Variants in TGFBR2 observed in about 807,000 individuals in gnomAD.
TGFBR2 encodes the protein TGF-beta receptor type-2.
In TGFBR2, 18 loss-of-function variants were observed where a neutral mutation model predicts 49.0. That is an observed-to-expected ratio of 0.37 (90% confidence interval 0.25 to 0.54). The LOEUF is 0.54. Among genes scored for constraint, TGFBR2 ranks in the 20% least tolerant of loss-of-function variants. The pLI is 0.85. For synonymous variants in TGFBR2, 282 were observed against 275.9 expected, an observed-to-expected ratio of 1.02 and a Z score of -0.22; for missense variants, 525 against 722.6, an observed-to-expected ratio of 0.73 and a Z score of 3.13.
At position 30,690,657 on chromosome 3, in the gene TGFBR2, A is replaced by G. The variant is rs1699694350; in HGVS notation, c.1525-763A>G. ...ATAGAACAGTGTATATGACCCAACTATATGACACTCTGGAAAAGGCAAAAA... is the reference window on the plus strand; with the variant it reads ...ATAGAACAGTGTATATGACCCAACTGTATGACACTCTGGAAAAGGCAAAAA... On this transcript the variant is annotated intron_variant, in intron 6 of 6. Coordinates refer to ENST00000295754, the MANE Select transcript of TGFBR2 (RefSeq NM_003242.6). Among the ~76,000 whole-genome samples, 3 of 152,224 alleles carry G rather than the reference A, an allele frequency of 2.0e-5. No homozygotes were observed. In the South Asian group the frequency reaches 6.2e-4, roughly 32 times the overall value.
At chr3:30,609,481 G>A (rs1355414437) in intron 1 of TGFBR2, among the ~76,000 whole-genome samples, 2 of 152,148 alleles carry the variant, frequency 1.3e-5, no homozygotes, top group Admixed American at 6.5e-5. Flanking sequence ...CTGTTTAGTA[G>A]TATGCAAAGG....
rs1244397406 is a variant in TGFBR2, at chr3:30,664,653, TGTGCGCACACACATGCACACGCGC to T, written c.455-6978_455-6955del. On this transcript the variant is annotated intron_variant, in intron 3 of 6. Transcript: ENST00000295754. Reference sequence around the variant, plus strand: ...ATTTGTCTTATAACTTGAGTATGCATGTGCGCACACACATGCACACGCGCGTGCGCGCACACACACGTTGCTCTC... The same window carrying T: ...ATTTGTCTTATAACTTGAGTATGCATGTGCGCGCACACACACGTTGCTCTC... Among the ~76,000 whole-genome samples, 15 of 152,388 alleles carry T rather than the reference TGTGCGCACACACATGCACACGCGC, an allele frequency of 9.8e-5. No individual in the cohort carries two copies. The East Asian group carries it at 2.5e-3, about 25-fold the overall frequency.
At chr3:30,656,858 T>C (rs2125416943) in intron 3 of TGFBR2, among the ~76,000 whole-genome samples, 1 of 152,320 alleles carries the variant, frequency 6.6e-6, no homozygotes, top group South Asian at 2.1e-4. Context: ...GGCAAGGTGG[T>C]GGCAAGCCCA....
chr3:30,657,485 G>A (rs12490466), intron 3 of TGFBR2, among the ~76,000 whole-genome samples: 23,499 of 152,138 alleles, frequency 0.15, 2,089 homozygotes, highest in East Asian at 0.37. Flanking sequence ...CAGCTCAGCC[G>A]TGTGTAAGCT....
intron 1 of TGFBR2, among the ~76,000 whole-genome samples, chr3:30,632,610 T>C (rs1364451076): frequency 6.6e-6 from 1 of 152,244 alleles, no homozygotes; most frequent in African/African-American, 2.4e-5. Context: ...GGAATAGATT[T>C]ACCAAACTCA....
chr3:30,674,967 G>A (rs1240455036), intron 5 of TGFBR2, among the ~76,000 whole-genome samples: 2 of 152,000 alleles, frequency 1.3e-5, no homozygotes, highest in African/African-American at 4.8e-5. Context: ...TGTATGCTGA[G>A]TCCTTTTCAC....
At chr3:30,634,127 G>A (rs1947687) in intron 1 of TGFBR2, among the ~76,000 whole-genome samples, 3,204 of 152,242 alleles carry the variant, frequency 0.021, 106 homozygotes, top group African/African-American at 0.073. Context: ...AAGCCTCCAC[G>A]GAGAAATTTA....
chr3:30,666,641 T>A (rs1897236), intron 3 of TGFBR2, among the ~76,000 whole-genome samples: 11 of 103,132 alleles, frequency 1.1e-4, no homozygotes, highest in African/African-American at 2.8e-4. Flanking sequence ...TACCCCCCCA[T>A]CCCCGCCCGC....
intron 3 of TGFBR2, among the ~76,000 whole-genome samples, chr3:30,662,747 G>GGGCC (rs1186560316): frequency 3.3e-5 from 5 of 152,118 alleles, no homozygotes; most frequent in Admixed American, 1.3e-4. Flanking sequence ...AAATTATCAT[G>GGGCC]GGCCATTTTC....
intron 1 of TGFBR2, among the ~76,000 whole-genome samples, chr3:30,630,240 A>C (rs1175263517): frequency 1.3e-5 from 2 of 152,238 alleles, no homozygotes; most frequent in African/African-American, 4.8e-5. Flanking sequence ...TAGGTTTAAT[A>C]GATAAGATTC....
intron 5 of TGFBR2, among the ~76,000 whole-genome samples, chr3:30,687,710 T>A (rs1410335437): frequency 6.6e-6 from 1 of 152,210 alleles, no homozygotes; most frequent in Non-Finnish European, 1.5e-5. Flanking sequence ...CAACTGAAAT[T>A]CTTTACCCCT....
intron 5 of TGFBR2, among the ~76,000 whole-genome samples, chr3:30,687,830 C>T (rs541840771): frequency 1.3e-5 from 2 of 152,266 alleles, no homozygotes; most frequent in East Asian, 3.9e-4. Context: ...TGGAATGATA[C>T]AATATTTGTC....
intron 1 of TGFBR2, among the ~76,000 whole-genome samples, chr3:30,623,736 G>A (rs1864616): frequency 0.25 from 37,561 of 152,054 alleles, 4,697 homozygotes; most frequent in Admixed American, 0.32. Context: ...TCAGGAATAC[G>A]GGCATCTTTA....
At chr3:30,653,052 C>G (rs1375437878) in intron 3 of TGFBR2, among the ~76,000 whole-genome samples, 1 of 152,090 alleles carries the variant, frequency 6.6e-6, no homozygotes, top group Non-Finnish European at 1.5e-5. Context: ...CCTTTCACAG[C>G]TGACGACTCA....
intron 1 of TGFBR2, among the ~76,000 whole-genome samples, chr3:30,638,665 C>T (rs1698587902): frequency 6.6e-6 from 1 of 152,234 alleles, no homozygotes; most frequent in South Asian, 2.1e-4. Context: ...ATGTTCCTAT[C>T]TTTGGTTTAA....
intron 3 of TGFBR2, among the ~76,000 whole-genome samples, chr3:30,663,583 G>A (rs547595442): frequency 6.6e-6 from 1 of 152,244 alleles, no homozygotes; most frequent in Non-Finnish European, 1.5e-5. Context: ...GTAGCAAGAC[G>A]ACTACAGATG....
chr3:30,686,788 A>G (rs1044486370), intron 5 of TGFBR2, among the ~76,000 whole-genome samples: 9 of 152,190 alleles, frequency 5.9e-5, no homozygotes, highest in African/African-American at 1.9e-4. Flanking sequence ...GATGTTTTCT[A>G]TCTTTTTAAG....
chr3:30,661,743 G>A (rs1699136478), intron 3 of TGFBR2: 3 of 365,838 alleles, frequency 8.2e-6, no homozygotes, highest in Admixed American at 3.8e-5. Context: ...TGGTGGAAGA[G>A]GAGGTGAGAG....
intron 3 of TGFBR2, among the ~76,000 whole-genome samples, chr3:30,666,841 T>G (rs1358816432): frequency 3.6e-4 from 54 of 151,596 alleles, no homozygotes; most frequent in Non-Finnish European, 5.9e-5. Context: ...AGAGACAGTC[T>G]CACTATGTTG....
Sources: allele counts gnomAD v4.1 joint callset (sites outside exome capture counted in the v4.1 genomes callset), GRCh38; gene constraint gnomAD v4.1.1; transcripts MANE v1.5; gene names NCBI Gene and HGNC (gene_info 2026-07-23, HGNC 2026-07-21).